BMPR1B: variants seen among roughly 807,000 people sequenced by gnomAD.
BMPR1B encodes bone morphogenetic protein receptor type-1B.
A neutral mutation model predicts 59.1 loss-of-function variants in BMPR1B; 12 were observed. The observed-to-expected ratio is 0.20, with a 90% CI of 0.13 to 0.33. The LOEUF is 0.33. BMPR1B is among the 10% of genes least tolerant of loss of function. The probability of loss-of-function intolerance (pLI) is 1.00; values close to 1 mark genes in which losing one functional copy is unlikely to be tolerated. For synonymous variants in BMPR1B, 237 were observed against 207.3 expected, an observed-to-expected ratio of 1.14 and a Z score of -1.23; for missense variants, 550 against 610.9, an observed-to-expected ratio of 0.90 and a Z score of 1.05.
chr4:94,921,006 C>T (rs1728666622), intron 2 of BMPR1B, among the ~76,000 whole-genome samples: 1 of 151,996 alleles, frequency 6.6e-6, no homozygotes, highest in African/African-American at 2.4e-5. Context: ...TATGTTTTTA[C>T]CCATTTTAAC....
At chr4:94,962,117 TTCCTTCTTTCC>T (rs1730388525) in intron 2 of BMPR1B, among the ~76,000 whole-genome samples, 4 of 132,802 alleles carry the variant, frequency 3.0e-5, no homozygotes, top group Non-Finnish European at 6.2e-5. Flanking sequence ...CCTTCCTTCC[TTCCTTCTTTCC>T]TTCCTTCCTT....
chr4:95,124,809 A>G (rs1454391457), intron 7 of BMPR1B, among the ~76,000 whole-genome samples, 174 bp from the exon 8 acceptor site: 1 of 152,210 alleles, frequency 6.6e-6, no homozygotes, highest in Non-Finnish European at 1.5e-5. Flanking sequence ...AGGTTAGCCA[A>G]ACAGTAATGA....
At chr4:95,061,706 C>G (rs982966506) in intron 3 of BMPR1B, among the ~76,000 whole-genome samples, 8 of 152,090 alleles carry the variant, frequency 5.3e-5, no homozygotes, top group African/African-American at 1.4e-4. Flanking sequence ...ATTTTTAGTT[C>G]TAGTTCTTTA....
intron 1 of BMPR1B, among the ~76,000 whole-genome samples, chr4:94,783,005 G>C (rs953585263): frequency 1.3e-5 from 2 of 152,114 alleles, no homozygotes; most frequent in African/African-American, 4.8e-5. Context: ...TTACTGCTAG[G>C]GGAAGTCTTT....
chr4:94,854,849 T>C (rs1391746584), intron 1 of BMPR1B, among the ~76,000 whole-genome samples: 1 of 152,208 alleles, frequency 6.6e-6, no homozygotes, highest in Non-Finnish European at 1.5e-5. Context: ...GAACCTCTGC[T>C]CTAGGGTTGT....
At chr4:94,958,125 T>C (rs1578849933) in intron 2 of BMPR1B, among the ~76,000 whole-genome samples, 1 of 152,198 alleles carries the variant, frequency 6.6e-6, no homozygotes, top group African/African-American at 2.4e-5. Flanking sequence ...TAATACAACA[T>C]GGTGGATAAT....
intron 3 of BMPR1B, among the ~76,000 whole-genome samples, chr4:95,020,306 G>T (rs565507700): frequency 9.2e-5 from 14 of 152,156 alleles, no homozygotes; most frequent in African/African-American, 2.9e-4. Flanking sequence ...TCAACTGGGC[G>T]CAGTGGCTTA....
intron 2 of BMPR1B, among the ~76,000 whole-genome samples, chr4:94,878,145 G>T (rs1726805190): frequency 6.6e-6 from 1 of 152,274 alleles, no homozygotes; most frequent in Admixed American, 6.5e-5. Flanking sequence ...ATTTTTAAAG[G>T]CTCTTTAAGC....
intron 1 of BMPR1B, among the ~76,000 whole-genome samples, chr4:94,785,718 G>A (rs1364977105): frequency 6.6e-6 from 1 of 152,114 alleles, no homozygotes; most frequent in Non-Finnish European, 1.5e-5. Flanking sequence ...TTAACCCCAA[G>A]ATATAAGAGT....
At chr4:94,863,137 T>A (rs1455129287) in intron 1 of BMPR1B, among the ~76,000 whole-genome samples, 2 of 151,746 alleles carry the variant, frequency 1.3e-5, no homozygotes, top group African/African-American at 4.8e-5. Flanking sequence ...TTGTGTTTAA[T>A]TGAATGCTCA....
chr4:94,915,220 C>A (rs530786119), intron 2 of BMPR1B, among the ~76,000 whole-genome samples: 9 of 152,324 alleles, frequency 5.9e-5, no homozygotes, highest in Middle Eastern at 3.4e-3. Flanking sequence ...GATCACTCAT[C>A]TTTCATTACC....
intron 2 of BMPR1B, among the ~76,000 whole-genome samples, chr4:94,936,774 G>A (rs1285168222): frequency 6.6e-6 from 1 of 152,012 alleles, no homozygotes; most frequent in Admixed American, 6.5e-5. Context: ...TCCTTCCCTT[G>A]GCTCTCTTCT....
intron 3 of BMPR1B, among the ~76,000 whole-genome samples, chr4:95,020,458 A>G (rs947678497): frequency 9.2e-5 from 14 of 152,086 alleles, no homozygotes; most frequent in African/African-American, 1.2e-4. Context: ...ACATGCCTGT[A>G]GTCCCAAGTA....
At chr4:94,794,276 A>T (rs1025035220) in intron 1 of BMPR1B, among the ~76,000 whole-genome samples, 10 of 149,682 alleles carry the variant, frequency 6.7e-5, no homozygotes, top group African/African-American at 2.0e-4. Flanking sequence ...TAAATAGGGA[A>T]TCCTTTCCCC....
intron 3 of BMPR1B, among the ~76,000 whole-genome samples, chr4:95,057,540 G>A (rs1727022830): frequency 6.6e-6 from 1 of 151,934 alleles, no homozygotes; most frequent in African/African-American, 2.4e-5. Context: ...TTCTTTGGAG[G>A]GAGAATTTGA....
At position 95,158,326 on chromosome 4, in the gene BMPR1B, T is replaced by C. The variant is rs180838558; in HGVS notation, c.*3653T>C. ...GGGAACCAGTGCCTTACAGATTTTG[T>C]ATATACTGTAATTATTCAGGACTAG... On this transcript the variant is annotated 3_prime_UTR_variant, in exon 13 of 13. Coordinates refer to ENST00000515059, the MANE Select transcript of BMPR1B (RefSeq NM_001203.3). 6.6e-6 allele frequency: 1 copy of C among 152,338 alleles called. No individual in the cohort carries two copies. The highest frequency in any genetic ancestry group is 1.9e-4 in the East Asian group (1 of 5,190). The allele number at this position is 152,338 out of a possible 1,614,324, so 9.4% of individuals were successfully genotyped here.
At chr4:95,044,695 A>G (rs943872366) in intron 3 of BMPR1B, among the ~76,000 whole-genome samples, 1 of 152,162 alleles carries the variant, frequency 6.6e-6, no homozygotes, top group African/African-American at 2.4e-5. Context: ...TAATAATGTG[A>G]TGGTCTTTCA....
At chr4:95,006,849 A>G (rs1378668682) in intron 3 of BMPR1B, among the ~76,000 whole-genome samples, 1 of 152,002 alleles carries the variant, frequency 6.6e-6, no homozygotes, top group Non-Finnish European at 1.5e-5. Context: ...CTACCTTCTG[A>G]TTCTTAAAAC....
chr4:94,824,049 A>G (rs1013190573), intron 1 of BMPR1B, among the ~76,000 whole-genome samples: 8 of 152,310 alleles, frequency 5.3e-5, no homozygotes, highest in Non-Finnish European at 8.8e-5. Context: ...CCCAGCCACT[A>G]TCCTTTTAGT....
Sources: gnomAD v4.1 joint callset for allele counts (sites outside exome capture counted in the v4.1 genomes callset) on GRCh38, gnomAD v4.1.1 for gene constraint, MANE v1.5 for transcripts, NCBI Gene and HGNC (gene_info 2026-07-23, HGNC 2026-07-21) for gene names.